COMMD1: variants seen among roughly 807,000 people sequenced by gnomAD.
The protein encoded by COMMD1 is copper metabolism domain containing 1, also known as COMM domain-containing protein 1.
A neutral mutation model predicts 17.2 loss-of-function variants in COMMD1; 10 were observed. The observed-to-expected ratio is 0.58, with a 90% CI of 0.36 to 0.99. COMMD1 has a LOEUF of 0.99. Among genes scored for constraint, COMMD1 ranks in the 50% least tolerant of loss-of-function variants. The pLI, the probability that COMMD1 is intolerant of heterozygous loss-of-function variation, is 0.01. For synonymous variants in COMMD1, 97 were observed against 91.6 expected, an observed-to-expected ratio of 1.06 and a Z score of -0.34; for missense variants, 270 against 231.8, an observed-to-expected ratio of 1.17 and a Z score of -1.07.
At chr2:61,990,451 C>G (rs1672217104) in intron 1 of COMMD1, among the ~76,000 whole-genome samples, 1 of 152,114 alleles carries the variant, frequency 6.6e-6, no homozygotes, top group African/African-American at 2.4e-5. Flanking sequence ...TTTTGGGAGG[C>G]TGAGGCGGAA....
chr2:61,946,339 A>G (rs1201139781), intron 1 of COMMD1, among the ~76,000 whole-genome samples: 1 of 152,182 alleles, frequency 6.6e-6, no homozygotes, highest in African/African-American at 2.4e-5. Context: ...TCAAGATTTT[A>G]TTTAGGATTT....
intron 1 of COMMD1, among the ~76,000 whole-genome samples, chr2:61,975,118 C>CTTTTTTTTTTTT: frequency 1.2e-3 from 100 of 80,136 alleles, no homozygotes; most frequent in African/African-American, 1.4e-3. Context: ...TCATTTCTTT[C>CTTTTTTTTTTTT]TTTTTTTTTT....
intron 1 of COMMD1, among the ~76,000 whole-genome samples, chr2:61,994,522 ATTC>A (rs1668697039): frequency 6.6e-6 from 1 of 151,704 alleles, no homozygotes; most frequent in Non-Finnish European, 1.5e-5. Context: ...TTACCTTTAC[ATTC>A]TTCTGTTCCC....
intron 2 of COMMD1, among the ~76,000 whole-genome samples, chr2:62,077,762 A>G (rs937823300): frequency 6.6e-5 from 10 of 152,094 alleles, no homozygotes; most frequent in Non-Finnish European, 1.2e-4. Flanking sequence ...TGAGAACCCA[A>G]GGTGGTCGGG....
intron 1 of COMMD1, among the ~76,000 whole-genome samples, chr2:61,944,857 A>T (rs1430999439): frequency 2.0e-5 from 3 of 152,090 alleles, no homozygotes; most frequent in Non-Finnish European, 4.4e-5. Flanking sequence ...GGCAGCAAAG[A>T]TGGGGAAGGG....
upstream of COMMD1, chr2:61,905,647 T>C (rs1669750460): frequency 1.3e-6 from 2 of 1,517,604 alleles, no homozygotes; most frequent in Non-Finnish European, 1.8e-6. Flanking sequence ...GGGGCACGGC[T>C]CAGCTGTTGC....
chr2:61,927,153 C>T (rs564504504), intron 1 of COMMD1, among the ~76,000 whole-genome samples: 63 of 152,194 alleles, frequency 4.1e-4, no homozygotes, highest in Admixed American at 7.2e-4. Flanking sequence ...TGTAAGGCAG[C>T]GATGGGGAGA....
intron 1 of COMMD1, among the ~76,000 whole-genome samples, chr2:61,950,282 A>G (rs1479128550): frequency 6.6e-6 from 1 of 152,176 alleles, no homozygotes; most frequent in African/African-American, 2.4e-5. Flanking sequence ...TCCCAACCTC[A>G]CTGACAAATC....
chr2:62,048,633 A>T (rs1244454565), intron 2 of COMMD1, among the ~76,000 whole-genome samples: 2 of 151,884 alleles, frequency 1.3e-5, no homozygotes, highest in Non-Finnish European at 2.9e-5. Context: ...TGTATGGTAA[A>T]GTTTATACGT....
At chr2:61,965,083 A>G (rs1489379063) in intron 1 of COMMD1, among the ~76,000 whole-genome samples, 2 of 152,054 alleles carry the variant, frequency 1.3e-5, no homozygotes, top group African/African-American at 4.8e-5. Flanking sequence ...CTTTTTCTGT[A>G]CCCTTTGTTA....
chr2:61,925,570 G>A (rs780628081), intron 1 of COMMD1, among the ~76,000 whole-genome samples: 84 of 152,254 alleles, frequency 5.5e-4, no homozygotes, highest in Non-Finnish European at 1.1e-3. Context: ...TTTGCTTATC[G>A]CAGCAAGGTC....
intron 1 of COMMD1, among the ~76,000 whole-genome samples, chr2:61,898,927 G>T (rs1669605027): frequency 6.6e-6 from 1 of 152,076 alleles, no homozygotes; most frequent in East Asian, 1.9e-4. Context: ...TTTGTACTTG[G>T]ATCCTTTTGC....
At chr2:61,968,637 G>C (rs890944947) in intron 1 of COMMD1, among the ~76,000 whole-genome samples, 1 of 152,070 alleles carries the variant, frequency 6.6e-6, no homozygotes, top group Admixed American at 6.6e-5. Flanking sequence ...GCTCACTGCA[G>C]CCTTGGCCTT....
intron 2 of COMMD1, among the ~76,000 whole-genome samples, chr2:62,078,320 G>A (rs1284038851): frequency 5.9e-4 from 89 of 150,576 alleles, no homozygotes; most frequent in African/African-American, 2.1e-3. Context: ...TTGGGAGGCC[G>A]AGGTGGGTAG....
intron 1 of COMMD1, among the ~76,000 whole-genome samples, chr2:61,951,667 A>G (rs1356059602): frequency 6.6e-6 from 1 of 152,230 alleles, no homozygotes; most frequent in African/African-American, 2.4e-5. Context: ...TATTTAAAGC[A>G]TATAATTTGA....
chr2:61,934,291 A>G (rs1670545598), intron 1 of COMMD1, among the ~76,000 whole-genome samples: 1 of 152,326 alleles, frequency 6.6e-6, no homozygotes, highest in Middle Eastern at 3.4e-3. Context: ...TTCATAAAGA[A>G]TGAACCATGG....
chr2:62,035,010 T>C (rs1434637188), intron 2 of COMMD1, among the ~76,000 whole-genome samples: 3 of 152,216 alleles, frequency 2.0e-5, no homozygotes, highest in African/African-American at 7.2e-5. Flanking sequence ...TTAATTCTTA[T>C]GTTTCCTTCT....
chr2:62,034,140 G>T (rs1180337786), intron 2 of COMMD1, among the ~76,000 whole-genome samples: 3 of 148,274 alleles, frequency 2.0e-5, no homozygotes, highest in Admixed American at 6.7e-5. Context: ...TTACGGATTT[G>T]AAATTCAGCC....
At chr2:61,920,465 C>T (rs1379057082) in intron 1 of COMMD1, among the ~76,000 whole-genome samples, 3 of 150,804 alleles carry the variant, frequency 2.0e-5, no homozygotes, top group Admixed American at 6.6e-5. Context: ...CCCACACTTA[C>T]ATTTCTGAGT....
Sources: allele counts gnomAD v4.1 joint callset (sites outside exome capture counted in the v4.1 genomes callset), GRCh38; gene constraint gnomAD v4.1.1; transcripts MANE v1.5; gene names NCBI Gene and HGNC (gene_info 2026-07-23, HGNC 2026-07-21).